Variants in CCDC91 observed in about 807,000 individuals in gnomAD.
CCDC91 encodes the protein coiled-coil domain containing 91.
In CCDC91, 48 loss-of-function variants were observed where a neutral mutation model predicts 63.2. The observed-to-expected ratio is 0.76, with a 90% CI of 0.60 to 0.97. The LOEUF is 0.97. Among genes scored for constraint, CCDC91 ranks in the 50% least tolerant of loss-of-function variants. The pLI is 0.00. For synonymous variants in CCDC91, 167 were observed against 165.8 expected (o/e 1.01, Z -0.06); for missense variants, 500 against 494.6 (o/e 1.01, Z -0.10).
At chr12:28,495,123 C>T (rs1565474342) in intron 12 of CCDC91, among the ~76,000 whole-genome samples, 1 of 151,604 alleles carries the variant, frequency 6.6e-6, no homozygotes, top group East Asian at 1.9e-4. Flanking sequence ...TCCCTTTCTC[C>T]AGTATAGCTA....
chr12:28,453,838 C>A (rs959148425), intron 11 of CCDC91, among the ~76,000 whole-genome samples: 12 of 152,028 alleles, frequency 7.9e-5, no homozygotes, highest in African/African-American at 2.9e-4. Flanking sequence ...TGTTTTATGA[C>A]CCCGAACATT....
chr12:28,210,783 C>G (rs939732892), intron 1 of CCDC91, among the ~76,000 whole-genome samples: 2 of 151,300 alleles, frequency 1.3e-5, no homozygotes, highest in Admixed American at 6.6e-5. Context: ...TAAAGGACAC[C>G]CAAATATCAA....
At chr12:28,475,780 G>A (rs561595318) in intron 11 of CCDC91, among the ~76,000 whole-genome samples, 2 of 151,822 alleles carry the variant, frequency 1.3e-5, no homozygotes, top group Non-Finnish European at 1.5e-5. Context: ...CTTGGTCTTC[G>A]ACTTCTCAGG....
At chr12:28,206,840 C>T (rs1209328725) in intron 1 of CCDC91, among the ~76,000 whole-genome samples, 1 of 152,190 alleles carries the variant, frequency 6.6e-6, no homozygotes, top group Non-Finnish European at 1.5e-5. Context: ...CATTTCTAAT[C>T]ATTGCCTCTT....
chr12:28,329,765 C>A (rs1177300147), intron 6 of CCDC91, among the ~76,000 whole-genome samples: 1 of 152,098 alleles, frequency 6.6e-6, no homozygotes, highest in African/African-American at 2.4e-5. Flanking sequence ...ATCCCTCCCC[C>A]AGGCCCCACC....
At chr12:28,304,578 T>G (rs1260856647) in intron 3 of CCDC91, 2 of 675,968 alleles carry the variant, frequency 3.0e-6, no homozygotes, top group Non-Finnish European at 4.4e-6. Flanking sequence ...AATTGATGTA[T>G]TTGTTATTTT....
intron 6 of CCDC91, among the ~76,000 whole-genome samples, chr12:28,358,730 A>T (rs1244764922): frequency 6.6e-6 from 1 of 152,190 alleles, no homozygotes; most frequent in Non-Finnish European, 1.5e-5. Flanking sequence ...TCAGTGGTGT[A>T]CTATTTTATA....
intron 12 of CCDC91, among the ~76,000 whole-genome samples, chr12:28,487,146 A>T (rs1208573569): frequency 2.0e-5 from 3 of 151,976 alleles, no homozygotes; most frequent in Non-Finnish European, 4.4e-5. Context: ...TTCACAGAAG[A>T]TTAAAACTGA....
intron 7 of CCDC91, among the ~76,000 whole-genome samples, chr12:28,387,789 T>C (rs1207985466): frequency 6.6e-6 from 1 of 152,184 alleles, no homozygotes; most frequent in Admixed American, 6.5e-5. Context: ...CACTCGTTGA[T>C]TGATGGGCAT....
intron 8 of CCDC91, among the ~76,000 whole-genome samples, chr12:28,406,910 C>G (rs796195629): frequency 9.2e-5 from 14 of 151,450 alleles, no homozygotes; most frequent in African/African-American, 3.4e-4. Context: ...TGGTTTGGAT[C>G]TTTGTGCCCA....
intron 6 of CCDC91, among the ~76,000 whole-genome samples, chr12:28,331,395 A>C (rs1941496923): frequency 1.3e-5 from 2 of 152,228 alleles, no homozygotes; most frequent in African/African-American, 4.8e-5. Flanking sequence ...GGCTAAAATT[A>C]CAGGACAAAA....
intron 8 of CCDC91, among the ~76,000 whole-genome samples, chr12:28,423,480 A>G (rs374690945): frequency 4.1e-4 from 62 of 152,254 alleles, no homozygotes; most frequent in African/African-American, 1.5e-3. Flanking sequence ...GGATAGGACT[A>G]TGGTAGAATG....
chr12:28,359,137 G>T (rs868423455), intron 6 of CCDC91, among the ~76,000 whole-genome samples: 3 of 152,054 alleles, frequency 2.0e-5, no homozygotes, highest in Admixed American at 1.3e-4. Context: ...CTTGTGATCT[G>T]CCCGCCTCAG....
chr12:28,512,654 C>T (rs1939501417), intron 12 of CCDC91, among the ~76,000 whole-genome samples: 1 of 151,822 alleles, frequency 6.6e-6, no homozygotes, highest in Non-Finnish European at 1.5e-5. Context: ...GACCATATGG[C>T]CTACTAAGCC....
rs1465714249 is a variant in CCDC91 at position 28,387,283 on chromosome 12, C to G, written c.655-4021C>G. ...AGCCATAGGACCAATGCTTAAACTC[C>G]TTGTTGTTATACAAGTTCTTTTAAT... On this transcript the variant is annotated intron_variant, in intron 7 of 12. Coordinates refer to ENST00000536442, the MANE Select transcript of CCDC91 (RefSeq NM_018318.5). Among the ~76,000 whole-genome samples the G allele has an allele frequency of 7.2e-5, 11 of 152,286 alleles. No homozygotes were observed. In the East Asian group the frequency reaches 2.1e-3, roughly 29 times the overall value.
Position 28,357,293 on chromosome 12 carries a change from T to G in CCDC91, c.577-5145T>G, listed in dbSNP as rs544248135. Among the ~76,000 whole-genome samples, 3 of 152,246 alleles carry G rather than the reference T, an allele frequency of 2.0e-5. No homozygotes were observed. The East Asian group carries it at 5.8e-4, about 29-fold the overall frequency. Reference sequence around the variant, plus strand: ...TTAAGAGTATGAAACTTAGGTATATTTAATCATTTTAGCTAAGAAGCAGTT... The same window carrying G: ...TTAAGAGTATGAAACTTAGGTATATGTAATCATTTTAGCTAAGAAGCAGTT... On this transcript the variant is annotated intron_variant, in intron 6 of 12. Transcript: ENST00000536442.
intron 1 of CCDC91, among the ~76,000 whole-genome samples, chr12:28,205,875 G>A (rs1279334744): frequency 6.6e-6 from 1 of 152,156 alleles, no homozygotes; most frequent in Non-Finnish European, 1.5e-5. Context: ...GTTTGCTTTA[G>A]CAGTTCTCCC....
chr12:28,351,074 C>T (rs778621553), intron 6 of CCDC91, among the ~76,000 whole-genome samples: 10 of 152,302 alleles, frequency 6.6e-5, no homozygotes, highest in Middle Eastern at 3.4e-3. Context: ...AATACATTGA[C>T]TGAGTCCTAA....
At chr12:28,544,829 T>A in intron 12 of CCDC91, among the ~76,000 whole-genome samples, 1 of 152,080 alleles carries the variant, frequency 6.6e-6, no homozygotes, top group South Asian at 2.1e-4. Context: ...GATGTTTTAT[T>A]TTTCTTTTAC....
Sources: allele counts gnomAD v4.1 joint callset (sites outside exome capture counted in the v4.1 genomes callset), GRCh38; gene constraint gnomAD v4.1.1; transcripts MANE v1.5; gene names NCBI Gene and HGNC (gene_info 2026-07-23, HGNC 2026-07-21).